Variants in DAPK1 observed in about 807,000 individuals in gnomAD.
The protein encoded by DAPK1 is death associated protein kinase 1, also known as death-associated protein kinase 1.
In DAPK1, 56 loss-of-function variants were observed where a neutral mutation model predicts 144.9. The ratio of observed to expected loss-of-function variants is 0.39; its 90% CI spans 0.31 to 0.48. The LOEUF (loss-of-function observed/expected upper bound fraction) is 0.48. DAPK1 is among the 20% of genes least tolerant of loss of function. DAPK1 has a pLI of 0.95. For missense variants in DAPK1, 1,454 were observed against 1,875.4 expected (o/e 0.78, Z 4.15); for synonymous variants, 690 against 749.0 (o/e 0.92, Z 1.29).
At chr9:87,627,715 G>T (rs1046855553) in intron 3 of DAPK1, among the ~76,000 whole-genome samples, 1 of 152,168 alleles carries the variant, frequency 6.6e-6, no homozygotes, top group African/African-American at 2.4e-5. Context: ...AACCACAGGA[G>T]TGTGGGCCTT....
chr9:87,609,540 T>A (rs1405956741), intron 3 of DAPK1, among the ~76,000 whole-genome samples: 1 of 152,234 alleles, frequency 6.6e-6, no homozygotes, highest in Non-Finnish European at 1.5e-5. Flanking sequence ...TTATAATTTT[T>A]AATAGACTAT....
At chr9:87,677,829 C>A (rs1007019747) in intron 19 of DAPK1, among the ~76,000 whole-genome samples, 16 of 152,172 alleles carry the variant, frequency 1.1e-4, no homozygotes, top group Admixed American at 9.8e-4. Flanking sequence ...AGGGCTGCTG[C>A]GGAAGGCTGG....
Position 87,646,520 on chromosome 9 carries a change from G to C in DAPK1, c.1191G>C (p.Leu397Phe). Residue 397 changes from leucine (L) to phenylalanine (F), a missense_variant, in exon 13 of 26, where the codon TTG (leucine) becomes TTC (phenylalanine). This residue lies in a region of DAPK1 where 429 missense variants were observed against 637.5 expected (regional missense o/e 0.67). Coordinates refer to ENST00000408954, the MANE Select transcript of DAPK1 (RefSeq NM_004938.4). ...AGCGNIQILQ[L>F]LIKRGSRIDV... ...GTGGGAATATTCAAATACTACAGTT[G>C]CTCATTAAAAGAGGCTCGAGAATCG... is the stretch of plus-strand genomic sequence containing the variant. 1.2e-6 allele frequency: 2 copies of C among 1,613,968 alleles called. No individual in the cohort carries two copies. Among genetic ancestry groups the C allele is most frequent in the Non-Finnish European group, 1.7e-6 (2 of 1,179,866 alleles).
At chr9:87,662,448 C>T (rs887949266) in intron 18 of DAPK1, among the ~76,000 whole-genome samples, 2 of 151,774 alleles carry the variant, frequency 1.3e-5, no homozygotes, top group African/African-American at 2.4e-5. Context: ...TCTTCCCATC[C>T]GTGAGCACAG....
chr9:87,670,720 C>T (rs1831222721), intron 19 of DAPK1, among the ~76,000 whole-genome samples: 1 of 152,144 alleles, frequency 6.6e-6, no homozygotes, highest in African/African-American at 2.4e-5. Context: ...TTACCACATT[C>T]ACTCTCAACT....
Position 87,655,877 on chromosome 9 carries a change from G to A in DAPK1, c.1825-2152G>A, listed in dbSNP as rs530621634. Among the ~76,000 whole-genome samples the A allele has an allele frequency of 2.0e-5, 3 of 152,326 alleles. No homozygotes were observed. In the South Asian group the frequency reaches 6.2e-4, roughly 32 times the overall value. ...GCACACATCTGGGAGGATGAGAGAG[G>A]ACTCCCTGCCTGTCAGGTGTTTATC... On this transcript the variant is annotated intron_variant, in intron 17 of 25. Transcript: ENST00000408954.
chr9:87,525,448 G>A, intron 2 of DAPK1: 1 of 1,607,462 alleles, frequency 6.2e-7, no homozygotes. Flanking sequence ...AGTACGCGAA[G>A]GATATCGGTT....
At position 87,650,068 on chromosome 9, in the gene DAPK1, A is replaced by G; in HGVS notation, c.1576A>G (p.Ile526Val). 1 of 1,614,068 alleles carries G rather than the reference A, an allele frequency of 6.2e-7. No homozygotes were observed. Among genetic ancestry groups the G allele is most frequent in the Non-Finnish European group, 8.5e-7 (1 of 1,180,018 alleles). The change falls in exon 16 of 26, where the codon ATC becomes GTC. Residue 526 changes from isoleucine (I) to valine (V), a missense_variant. Physicochemically the swap from Ile to Val is conservative, Grantham distance 29. Around this residue, in one of 2 missense-constraint regions of DAPK1, gnomAD observed 1,025 missense variants for 1,237.9 expected, o/e 0.83. Transcript: ENST00000408954. The stretch of plus-strand genomic sequence containing the variant: ...AGCCTCTGCCAGGGGCTACCACGAC[A>G]TCGTGGAGTGTCTGGCCGAACATGG... ...LTASARGYHD[I>V]VECLAEHGAD... is the part of the protein sequence containing the mutation.
rs776567976 is a variant in DAPK1, at chr9:87,707,398, A to G, written c.*34A>G. Reference sequence around the variant, plus strand: ...TCTGGCTTGGGCAGGGTCTGTTTGGACTGCAGAAGCAAGGGGGTGATGTAG... The same window carrying G: ...TCTGGCTTGGGCAGGGTCTGTTTGGGCTGCAGAAGCAAGGGGGTGATGTAG... On this transcript the variant is annotated 3_prime_UTR_variant, in exon 26 of 26. Coordinates refer to ENST00000408954, the MANE Select transcript of DAPK1 (RefSeq NM_004938.4). The surrounding 1 kb of genome is among the most constrained non-coding windows in gnomAD (Gnocchi z 4.0). The G allele has an allele frequency of 6.1e-6, 9 of 1,464,790 alleles. No individual in the cohort carries two copies. Among genetic ancestry groups the G allele is most frequent in the Non-Finnish European group, 8.4e-6 (9 of 1,067,594 alleles). 90.7% of individuals were successfully genotyped at this position (1,464,790 alleles called of 1,614,324 possible). A position where few individuals can be genotyped will look rare whatever the true frequency, so the allele number is the denominator to read the frequency against.
At chr9:87,505,230 C>G (rs558981071) in intron 2 of DAPK1, among the ~76,000 whole-genome samples, 1 of 152,232 alleles carries the variant, frequency 6.6e-6, no homozygotes, top group African/African-American at 2.4e-5. Flanking sequence ...GCCATGAGTA[C>G]CTAACATTTT....
At chr9:87,521,032 TA>T (rs1211826198) in intron 2 of DAPK1, among the ~76,000 whole-genome samples, 1 of 152,248 alleles carries the variant, frequency 6.6e-6, no homozygotes, top group African/African-American at 2.4e-5. Context: ...CTAGTAAATT[TA>T]TTACCATTAA....
At chr9:87,683,722 G>A (rs1824728425) in intron 20 of DAPK1, among the ~76,000 whole-genome samples, 1 of 152,166 alleles carries the variant, frequency 6.6e-6, no homozygotes, top group Admixed American at 6.5e-5. Context: ...GGTGGCTCTG[G>A]GTGACCCTTT....
intron 2 of DAPK1, among the ~76,000 whole-genome samples, chr9:87,508,870 A>C (rs1334865630): frequency 2.0e-5 from 3 of 152,226 alleles, no homozygotes; most frequent in African/African-American, 7.2e-5. Flanking sequence ...CACCTAAAGC[A>C]ATGCAAGAAA....
chr9:87,518,968 G>A (rs113416640), intron 2 of DAPK1, among the ~76,000 whole-genome samples: 1 of 152,054 alleles, frequency 6.6e-6, no homozygotes. Context: ...AGAGATCGCA[G>A]GAAGCACTGC....
chr9:87,551,151 A>T (rs1199190436), intron 2 of DAPK1, among the ~76,000 whole-genome samples: 1 of 147,974 alleles, frequency 6.8e-6, no homozygotes, highest in Admixed American at 6.7e-5. Flanking sequence ...ATTAATTTGA[A>T]TTTTTTTTTT....
Position 87,708,180 on chromosome 9 carries a change from C to T in DAPK1, c.*816C>T. On this transcript the variant is annotated 3_prime_UTR_variant, in exon 26 of 26. Transcript: ENST00000408954. ...TGTCAATGTGAACGTCCACATGAAACCTACACACTGTCATGCTTCATCATT... is the reference window on the plus strand; with the variant it reads ...TGTCAATGTGAACGTCCACATGAAATCTACACACTGTCATGCTTCATCATT... The T allele has an allele frequency of 8.3e-6, 2 of 241,520 alleles. No individual in the cohort carries two copies. Among genetic ancestry groups the T allele is most frequent in the Non-Finnish European group, 1.6e-5 (2 of 121,756 alleles). 15.0% of individuals were successfully genotyped at this position (241,520 alleles called of 1,614,324 possible).
intron 2 of DAPK1, among the ~76,000 whole-genome samples, chr9:87,531,314 C>T (rs894353256): frequency 2.0e-5 from 3 of 152,078 alleles, no homozygotes; most frequent in Admixed American, 1.3e-4. Context: ...CAGCCTCAGG[C>T]CTGGTCGTTC....
At chr9:87,673,046 G>A (rs1683842266) in intron 19 of DAPK1, among the ~76,000 whole-genome samples, 1 of 152,188 alleles carries the variant, frequency 6.6e-6, no homozygotes, top group South Asian at 2.1e-4. Flanking sequence ...ATATTCCCCA[G>A]TGTTTCTCAC....
chr9:87,508,767 G>GAATGGGGA (rs1824714694), intron 2 of DAPK1, among the ~76,000 whole-genome samples: 1 of 151,998 alleles, frequency 6.6e-6, no homozygotes, highest in African/African-American at 2.4e-5. Context: ...CCCCATTCAT[G>GAATGGGGA]AAAATGATTA....
Sources: allele counts gnomAD v4.1 joint callset (sites outside exome capture counted in the v4.1 genomes callset), GRCh38; gene constraint gnomAD v4.1.1; regional missense constraint gnomAD v4.1.1; non-coding constraint Gnocchi (gnomAD v3.1); transcripts MANE v1.5; gene names NCBI Gene and HGNC (gene_info 2026-07-23, HGNC 2026-07-21).